OTOF: variants seen among roughly 807,000 people sequenced by gnomAD.
OTOF encodes the protein otoferlin.
In OTOF, 218 loss-of-function variants were observed where a neutral mutation model predicts 236.8. The ratio of observed to expected loss-of-function variants is 0.92; its 90% CI spans 0.82 to 1.03. The LOEUF (loss-of-function observed/expected upper bound fraction) is 1.03, where lower values mean the gene tolerates loss of function less well. Ranked by LOEUF, OTOF falls within the 50% of genes least tolerant of loss-of-function variation. The pLI, the probability that OTOF is intolerant of heterozygous loss-of-function variation, is 0.00. For synonymous variants in OTOF, 1,041 were observed against 1,072.5 expected (o/e 0.97, Z 0.57); for missense variants, 2,590 against 2,694.4 (o/e 0.96, Z 0.86).
intron 1 of OTOF, among the ~76,000 whole-genome samples, chr2:26,542,239 G>A (rs1223991169): frequency 6.6e-6 from 1 of 152,208 alleles, no homozygotes; most frequent in Non-Finnish European, 1.5e-5. Context: ...AGAAAAGGCA[G>A]GTGTGCAGGG....
chr2:26,473,865 G>C lies in OTOF; in HGVS notation c.3408+126C>G. Reference sequence around the variant, plus strand: ...GCAGATGGGGGCAGGCCCTGGGCTGGGGCAGGAGCCTGGGTCTGCTGCTGG... The same window carrying C: ...GCAGATGGGGGCAGGCCCTGGGCTGCGGCAGGAGCCTGGGTCTGCTGCTGG... On this transcript the variant is annotated intron_variant, in intron 27 of 46. Transcript: ENST00000272371. This position sits in a 1 kb window ranked among gnomAD's most constrained non-coding sequence, Gnocchi z 7.2. The C allele has an allele frequency of 7.7e-7, 1 of 1,301,776 alleles. No individual in the cohort carries two copies. The highest frequency in any genetic ancestry group is 1.1e-6 in the Non-Finnish European group (1 of 902,256). 80.6% of individuals were successfully genotyped at this position (1,301,776 alleles called of 1,614,324 possible).
intron 1 of OTOF, among the ~76,000 whole-genome samples, chr2:26,546,453 C>T (rs2148131417): frequency 7.0e-6 from 1 of 143,374 alleles, no homozygotes; most frequent in South Asian, 2.4e-4. Flanking sequence ...AAGAGTGAAA[C>T]TCTGTCTCAA....
rs1019891922 is a variant in OTOF, at chr2:26,477,605, G to A, written c.2315+44C>T. 6.2e-7 allele frequency: 1 copy of A among 1,609,068 alleles called. No individual in the cohort carries two copies. The highest frequency in any genetic ancestry group is 1.3e-5 in the African/African-American group (1 of 74,982). On this transcript the variant is annotated intron_variant, in intron 19 of 46. Coordinates refer to ENST00000272371, the MANE Select transcript of OTOF (RefSeq NM_194248.3). This position sits in a 1 kb window ranked among gnomAD's most constrained non-coding sequence, Gnocchi z 4.7. ...GCCCTGGCAGGGTCCCCTTTGTCCA[G>A]TTCCGCCTCATCCTCCCCCCACCTG...
At position 26,465,958 on chromosome 2, in the gene OTOF, A is replaced by T; in HGVS notation, c.4619T>A (p.Val1540Asp). The T allele has an allele frequency of 6.2e-7, 1 of 1,614,242 alleles. No homozygotes were observed. The highest frequency in any genetic ancestry group is 8.5e-7 in the Non-Finnish European group (1 of 1,180,036). The stretch of plus-strand genomic sequence containing the variant: ...CACCAAGAAGCCTTACTTCCCAAAG[A>T]CAGGGTTGAGCTGCTTGGAGATGTA... ...ENYISKQLNP[V>D]FGKSFDIEAS... Residue 1540 changes from valine to aspartate, a missense_variant, in exon 37 of 47, where the codon GTC becomes GAC. Coordinates refer to ENST00000272371, the MANE Select transcript of OTOF (RefSeq NM_194248.3).
At chr2:26,489,609 C>T (rs1390953640) in intron 10 of OTOF, 69 bp downstream of exon 10, 3 of 1,366,684 alleles carry the variant, frequency 2.2e-6, no homozygotes, top group Non-Finnish European at 3.1e-6. Flanking sequence ...GAGGGGGCCC[C>T]TCTCAAGTCT....
Position 26,463,576 on chromosome 2 carries a change from G to C in OTOF, c.5104-5C>G, listed in dbSNP as rs1483546066. 1 of 1,596,948 alleles carries C rather than the reference G, an allele frequency of 6.3e-7. No homozygotes were observed. The highest frequency in any genetic ancestry group is 1.3e-5 in the African/African-American group (1 of 74,792). On this transcript the variant is annotated splice_region_variant and splice_polypyrimidine_tract_variant and intron_variant, in intron 40 of 46. Transcript: ENST00000272371. ...CACCCACAGCTCCAGGCGGCCCTGAGGAAGAGGGTTGTGGCAGATCTCCCA... is the reference window on the plus strand; with the variant it reads ...CACCCACAGCTCCAGGCGGCCCTGACGAAGAGGGTTGTGGCAGATCTCCCA...
intron 5 of OTOF, among the ~76,000 whole-genome samples, chr2:26,515,211 G>C (rs1281838299): frequency 1.3e-5 from 2 of 152,238 alleles, no homozygotes; most frequent in Admixed American, 1.3e-4. Flanking sequence ...ACTAGTAAGA[G>C]GCAGAGCTAG....
rs551919295 is a variant in OTOF, at chr2:26,477,716, T to C, written c.2248A>G (p.Lys750Glu). The C allele has an allele frequency of 4.3e-6, 7 of 1,612,762 alleles. No homozygotes were observed. The East Asian group carries it at 1.3e-4, about 31-fold the overall frequency. The change falls in exon 19 of 47, where the codon AAA becomes GAA. Residue 750 changes from lysine (K) to glutamate (E), a missense_variant. By Grantham distance (56) the Lys-to-Glu change is moderately conservative. Transcript: ENST00000272371. This position sits in a 1 kb window ranked among gnomAD's most constrained non-coding sequence, Gnocchi z 4.7. ...EGLNDIQEMI[K>E]TEKSYPERRL... is the part of the protein sequence containing the mutation. ...CGCTCAGGGTAGGACTTCTCCGTTT[T>C]GATCATCTCCTGTATGTCGTTCAGG...
chr2:26,501,829 T>C, intron 7 of OTOF, 21 bp from the exon 8 acceptor site: 8 of 1,603,394 alleles, frequency 5.0e-6, no homozygotes, highest in Non-Finnish European at 4.3e-6. Context: ...GAATGTACCA[T>C]CAGGCCTGGG....
intron 4 of OTOF, among the ~76,000 whole-genome samples, chr2:26,518,048 C>T (rs1572470614): frequency 6.6e-6 from 1 of 152,262 alleles, no homozygotes; most frequent in African/African-American, 2.4e-5. Flanking sequence ...TCCCTGCCAC[C>T]CCTGCCCATG....
chr2:26,505,412 T>TACACAC (rs10550936), intron 5 of OTOF, among the ~76,000 whole-genome samples: 1,950 of 150,262 alleles, frequency 0.013, 22 homozygotes, highest in African/African-American at 0.03. Context: ...GGAGGTGAGT[T>TACACAC]ACACACACAC....
At chr2:26,517,861 C>T (rs2148100675) in intron 4 of OTOF, among the ~76,000 whole-genome samples, 1 of 152,340 alleles carries the variant, frequency 6.6e-6, no homozygotes, top group East Asian at 1.9e-4. Flanking sequence ...GCTGTGCTGT[C>T]TGTCCATCCC....
At position 26,460,193 on chromosome 2, in the gene OTOF, C is replaced by T. The variant is rs111033353; in HGVS notation, c.5826G>A (p.Thr1942=). Residue 1942 remains threonine (T), a synonymous_variant, in exon 46 of 47, where the codon ACG becomes ACA. Coordinates refer to ENST00000272371, the MANE Select transcript of OTOF (RefSeq NM_194248.3). This position sits in a 1 kb window ranked among gnomAD's most constrained non-coding sequence, Gnocchi z 5.3. ...GAGGGTTCAGGAACCAGATGAAGCT[C>T]GTGTCGGGCCGGCTGGAGTATGAAG... The part of the protein sequence containing the change: ...DPLEKPNRPD[T]SFIWFLNPLK... The T allele has an allele frequency of 3.7e-5, 60 of 1,603,156 alleles. No individual in the cohort carries two copies. The African/African-American group carries it at 3.7e-4, about 10-fold the overall frequency.
intron 11 of OTOF, among the ~76,000 whole-genome samples, chr2:26,485,476 T>C (rs906237707): frequency 6.6e-6 from 1 of 152,200 alleles, no homozygotes; most frequent in African/African-American, 2.4e-5. Context: ...GTCAGTCTCA[T>C]CCCAGTGTCC....
intron 2 of OTOF, among the ~76,000 whole-genome samples, chr2:26,531,676 G>C (rs903883179): frequency 6.6e-6 from 1 of 151,992 alleles, no homozygotes; most frequent in Non-Finnish European, 1.5e-5. Flanking sequence ...CATTTTTGTG[G>C]TTATGTCCTT....
In OTOF at chr2:26,558,692, C is replaced by G; in HGVS notation, c.-121G>C. The G allele has an allele frequency of 1.2e-6, 1 of 838,166 alleles. No individual in the cohort carries two copies. Among genetic ancestry groups the G allele is most frequent in the Non-Finnish European group, 2.0e-6 (1 of 512,406 alleles). 51.9% of individuals were successfully genotyped at this position (838,166 alleles called of 1,614,324 possible). A position where few individuals can be genotyped will look rare whatever the true frequency, so the allele number is the denominator to read the frequency against. ...CCTCCTCCTCCTCCTCCCGACCCCCCTCCGATGCTGCCCACAGAGACCAAG... is the reference window on the plus strand; with the variant it reads ...CCTCCTCCTCCTCCTCCCGACCCCCGTCCGATGCTGCCCACAGAGACCAAG... On this transcript the variant is annotated 5_prime_UTR_variant, in exon 1 of 47. Coordinates refer to ENST00000272371, the MANE Select transcript of OTOF (RefSeq NM_194248.3).
At chr2:26,489,099 C>G (rs1665770355) in intron 11 of OTOF, 112 bp downstream of exon 11, 1 of 777,646 alleles carries the variant, frequency 1.3e-6, no homozygotes, top group East Asian at 2.7e-5. Context: ...AGTCGCCAGA[C>G]TGTGGTCCTT....
chr2:26,492,184 G>C (rs576092283), intron 9 of OTOF, among the ~76,000 whole-genome samples: 2 of 152,292 alleles, frequency 1.3e-5, no homozygotes, highest in African/African-American at 2.4e-5. Flanking sequence ...TCTCAACTGA[G>C]GGCGATTTCA....
chr2:26,488,668 C>G (rs1455627045), intron 11 of OTOF, among the ~76,000 whole-genome samples: 1 of 152,264 alleles, frequency 6.6e-6, no homozygotes, highest in African/African-American at 2.4e-5. Context: ...CTCAGTGAGG[C>G]TCTGGGGACA....
Sources: allele counts gnomAD v4.1 joint callset (sites outside exome capture counted in the v4.1 genomes callset), GRCh38; gene constraint gnomAD v4.1.1; non-coding constraint Gnocchi (gnomAD v3.1); transcripts MANE v1.5; gene names NCBI Gene and HGNC (gene_info 2026-07-23, HGNC 2026-07-21).